The following TEF variants were observed in gnomAD, a reference collection of about 807,000 sequenced individuals.
TEF encodes TEF transcription factor, PAR bZIP family member.
In TEF, 3 loss-of-function variants were observed where a neutral mutation model predicts 20.8. The observed-to-expected ratio is 0.14, with a 90% CI of 0.07 to 0.37. The LOEUF (loss-of-function observed/expected upper bound fraction) is 0.37. TEF is among the 10% of genes least tolerant of loss of function. TEF has a pLI of 1.00. For synonymous variants in TEF, 180 were observed against 171.1 expected, an observed-to-expected ratio of 1.05 and a Z score of -0.41; for missense variants, 296 against 397.9, an observed-to-expected ratio of 0.74 and a Z score of 2.18.
intron 1 of TEF, chr22:41,367,622 T>A (rs1180924290): frequency 1.3e-6 from 2 of 1,550,140 alleles, no homozygotes; most frequent in African/African-American, 1.4e-5. Context: ...GTGACCTGCA[T>A]TGATTGGCTG....
At chr22:41,369,961 C>T (rs541313950) in intron 1 of TEF, 36 of 985,272 alleles carry the variant, frequency 3.7e-5, no homozygotes, top group Non-Finnish European at 4.0e-5. Context: ...GGCTGTGCTT[C>T]GGCACACATT....
intron 1 of TEF, among the ~76,000 whole-genome samples, chr22:41,370,275 A>T (rs866120462): frequency 7.5e-6 from 1 of 133,526 alleles, no homozygotes; most frequent in Middle Eastern, 5.3e-3. Context: ...CCACCACGCC[A>T]GGCTAATTTT....
upstream of TEF, among the ~76,000 whole-genome samples, chr22:41,378,483 C>A (rs1408355224): frequency 6.6e-6 from 1 of 151,506 alleles, no homozygotes; most frequent in African/African-American, 2.4e-5. Context: ...GTTGCTGGGA[C>A]TACAGGTGCC....
intron 1 of TEF, among the ~76,000 whole-genome samples, chr22:41,372,341 G>A (rs969695655): frequency 2.0e-5 from 3 of 152,150 alleles, no homozygotes; most frequent in African/African-American, 7.2e-5. Context: ...ATGTCGAGGA[G>A]TGATCCTTCC....
intron 1 of TEF, among the ~76,000 whole-genome samples, chr22:41,375,672 C>T (rs1407178240): frequency 2.0e-5 from 3 of 148,750 alleles, no homozygotes; most frequent in South Asian, 2.1e-4. Context: ...TGCAGTGAGC[C>T]GAGATTGCGC....
intron 1 of TEF, chr22:41,367,667 G>GT: frequency 6.8e-7 from 1 of 1,478,248 alleles, no homozygotes; most frequent in Non-Finnish European, 9.2e-7. Context: ...GGCAGCCACA[G>GT]GCACAGTGGC....
At chr22:41,367,713 AGTG>A (rs1353462518) in intron 1 of TEF, 1 of 1,045,286 alleles carries the variant, frequency 9.6e-7, no homozygotes, top group Admixed American at 2.3e-5. Context: ...GGGTCTCAGC[AGTG>A]GTGCGCCCTT....
chr22:41,382,026 G>C lies in TEF; in HGVS notation c.-19G>C, dbSNP rs973797754. 8.1e-7 allele frequency: 1 copy of C among 1,230,460 alleles called. No homozygotes were observed. The highest frequency in any genetic ancestry group is 3.2e-5 in the East Asian group (1 of 31,622). The allele number at this position is 1,230,460 out of a possible 1,614,324, so 76.2% of individuals were successfully genotyped here. A position where few individuals can be genotyped will look rare whatever the true frequency, so the allele number is the denominator to read the frequency against. On this transcript the variant is annotated 5_prime_UTR_variant, in exon 1 of 4. Transcript: ENST00000266304. Reference sequence around the variant, plus strand: ...GGCGGGCGGGGGAGGCGAGGTGCGCGAGCCGAGTCCGGGGCACGATGTCCG... The same window carrying C: ...GGCGGGCGGGGGAGGCGAGGTGCGCCAGCCGAGTCCGGGGCACGATGTCCG...
In TEF at chr22:41,395,968, C is replaced by T. The variant is rs202206583; in HGVS notation, c.*8C>T. The T allele has an allele frequency of 8.7e-6, 14 of 1,605,756 alleles. No individual in the cohort carries two copies. In the Admixed American group the frequency reaches 1.8e-4, roughly 21 times the overall value. On this transcript the variant is annotated 3_prime_UTR_variant, in exon 4 of 4. Coordinates refer to ENST00000266304, the MANE Select transcript of TEF (RefSeq NM_003216.4). ...AAATACGGGCCCTTGTAACCCGTGC[C>T]CCCCGCCCGGGCGGGGTACTGCCTG...
intron 2 of TEF, among the ~76,000 whole-genome samples, chr22:41,388,154 G>A (rs1387198373): frequency 6.6e-6 from 1 of 151,524 alleles, no homozygotes; most frequent in African/African-American, 2.4e-5. Context: ...CAGCCACCAC[G>A]CCTGGCTAAT....
At chr22:41,381,184 C>T (rs907643747), upstream of TEF, among the ~76,000 whole-genome samples, 1 of 152,258 alleles carries the variant, frequency 6.6e-6, no homozygotes, top group Non-Finnish European at 1.5e-5. Flanking sequence ...TCGCGGTCCC[C>T]GGCCCTGCCC....
rs1042550130 is a variant in TEF at position 41,396,051 on chromosome 22, G to C, written c.*91G>C. The C allele has an allele frequency of 5.0e-6, 7 of 1,394,974 alleles. No homozygotes were observed. The highest frequency in any genetic ancestry group is 6.9e-6 in the Non-Finnish European group (7 of 1,021,282). The allele number at this position is 1,394,974 out of a possible 1,614,324, so 86.4% of individuals were successfully genotyped here. On this transcript the variant is annotated 3_prime_UTR_variant, in exon 4 of 4. Transcript: ENST00000266304. ...ACCCCTCACACGCGTGGAGACTTATGACTCGTCGTGGGCGCATGGCGGCGC... is the reference window on the plus strand; with the variant it reads ...ACCCCTCACACGCGTGGAGACTTATCACTCGTCGTGGGCGCATGGCGGCGC...
intron 1 of TEF, chr22:41,382,988 G>T (rs1215613500): frequency 1.1e-5 from 5 of 471,010 alleles, no homozygotes; most frequent in Non-Finnish European, 8.8e-6. Flanking sequence ...ACGGAAAGCA[G>T]GTCTGGCCTT....
At chr22:41,379,067 G>A (rs1342469196), upstream of TEF, among the ~76,000 whole-genome samples, 2 of 152,172 alleles carry the variant, frequency 1.3e-5, no homozygotes, top group African/African-American at 2.4e-5. Flanking sequence ...TAGGCCAGGC[G>A]CGGTGGCTCA....
intron 1 of TEF, among the ~76,000 whole-genome samples, chr22:41,375,723 CAAAA>C (rs200212380): frequency 1.3e-5 from 1 of 74,728 alleles, no homozygotes; most frequent in Non-Finnish European, 2.9e-5. Context: ...GACTCTGTCT[CAAAA>C]AAAAAAAAAA....
intron 1 of TEF, among the ~76,000 whole-genome samples, chr22:41,373,679 A>G: frequency 6.6e-6 from 1 of 151,544 alleles, no homozygotes; most frequent in East Asian, 1.9e-4. Flanking sequence ...CATCTTGGCC[A>G]GGCTGGTCTT....
intron 3 of TEF, 23 bp from the exon 4 acceptor site, chr22:41,395,722 T>C (rs1424661428): frequency 6.2e-7 from 1 of 1,607,418 alleles, no homozygotes; most frequent in Non-Finnish European, 8.5e-7. Flanking sequence ...GACGAGAGAC[T>C]CACAGAGGGC....
upstream of TEF, among the ~76,000 whole-genome samples, chr22:41,378,359 T>C (rs2036973277): frequency 6.9e-6 from 1 of 144,836 alleles, no homozygotes; most frequent in Admixed American, 6.8e-5. Flanking sequence ...TTTTTTTTTT[T>C]TTTTGAGAGG....
chr22:41,386,958 CG>C (rs1354133151), intron 1 of TEF, among the ~76,000 whole-genome samples: 1 of 151,460 alleles, frequency 6.6e-6, no homozygotes, highest in African/African-American at 2.4e-5. Context: ...GCACAAGAAT[CG>C]CTTGAACCCA....
Sources: gnomAD v4.1 joint callset for allele counts (sites outside exome capture counted in the v4.1 genomes callset) on GRCh38, gnomAD v4.1.1 for gene constraint, MANE v1.5 for transcripts, NCBI Gene and HGNC (gene_info 2026-07-23, HGNC 2026-07-21) for gene names.